Variants in ATP1B1 observed in about 807,000 individuals in gnomAD.
ATP1B1 encodes the protein ATPase Na+/K+ transporting subunit beta 1.
In ATP1B1, 3 loss-of-function variants were observed where a neutral mutation model predicts 39.6. That is an observed-to-expected ratio of 0.08 (90% CI 0.03 to 0.20). The LOEUF is 0.20. ATP1B1 is among the 10% of genes least tolerant of loss of function. The pLI is 1.00. For missense variants in ATP1B1, 216 were observed against 371.1 expected (o/e 0.58, Z 3.43); for synonymous variants, 139 against 135.0 (o/e 1.03, Z -0.20).
chr1:169,112,086 C>A (rs1279699076), intron 2 of ATP1B1, among the ~76,000 whole-genome samples: 1 of 152,250 alleles, frequency 6.6e-6, no homozygotes, highest in East Asian at 1.9e-4. Flanking sequence ...GTCACTCTTA[C>A]TTCTCAATAT....
chr1:169,130,996 G>A (rs1658207412), intron 5 of ATP1B1, among the ~76,000 whole-genome samples: 2 of 152,078 alleles, frequency 1.3e-5, no homozygotes, highest in African/African-American at 4.8e-5. Flanking sequence ...AATATCACTA[G>A]ACAGATTATT....
rs1287411944 is a variant in ATP1B1 at position 169,106,814 on chromosome 1, C to T, written c.-16C>T. 5 of 1,569,380 alleles carry T rather than the reference C, an allele frequency of 3.2e-6. No homozygotes were observed. Among genetic ancestry groups the T allele is most frequent in the Non-Finnish European group, 4.3e-6 (5 of 1,160,912 alleles). ...CCCACCCTCCGGACCGCGGCAGCTGCTGACCCGCCATCGCCATGGCCCGCG... is the reference window on the plus strand; with the variant it reads ...CCCACCCTCCGGACCGCGGCAGCTGTTGACCCGCCATCGCCATGGCCCGCG... On this transcript the variant is annotated 5_prime_UTR_variant, in exon 1 of 6. Transcript: ENST00000367815.
chr1:169,124,719 G>A (rs544875335), intron 2 of ATP1B1, among the ~76,000 whole-genome samples, 165 bp from the exon 3 acceptor site: 2 of 152,288 alleles, frequency 1.3e-5, no homozygotes, highest in South Asian at 4.1e-4. Flanking sequence ...TGGTACTTGG[G>A]GTTACCTAAT....
intron 2 of ATP1B1, among the ~76,000 whole-genome samples, chr1:169,116,806 G>A (rs900501334): frequency 2.0e-5 from 3 of 151,552 alleles, no homozygotes; most frequent in East Asian, 1.9e-4. Flanking sequence ...AGCCAAGATC[G>A]TGCCACTGCA....
chr1:169,115,970 C>G (rs887434848), intron 2 of ATP1B1, among the ~76,000 whole-genome samples: 1 of 152,214 alleles, frequency 6.6e-6, no homozygotes, highest in African/African-American at 2.4e-5. Context: ...CATCGCTTCT[C>G]ATCTGTTGAT....
At chr1:169,107,538 C>T (rs1477642449) in intron 1 of ATP1B1, among the ~76,000 whole-genome samples, 1 of 152,068 alleles carries the variant, frequency 6.6e-6, no homozygotes, top group Non-Finnish European at 1.5e-5. Flanking sequence ...TTCAGGACTC[C>T]GATTCTTAGC....
At chr1:169,124,508 T>C (rs1252012524) in intron 2 of ATP1B1, among the ~76,000 whole-genome samples, 2 of 152,136 alleles carry the variant, frequency 1.3e-5, no homozygotes, top group Admixed American at 1.3e-4. Flanking sequence ...ACTGTGCACG[T>C]TGGGGTACTA....
In ATP1B1 at chr1:169,131,532, G is replaced by C. The variant is rs144160193; in HGVS notation, c.889G>C (p.Val297Leu). 1.9e-6 allele frequency: 3 copies of C among 1,613,542 alleles called. No individual in the cohort carries two copies. The African/African-American group carries it at 4.0e-5, about 22-fold the overall frequency. ...EKDRFQGRFD[V>L]KIEVKS ...AGACCGTTTTCAGGGACGTTTTGAT[G>C]TAAAAATTGAAGTTAAGAGCTGATC... Residue 297 changes from valine (V) to leucine (L), a missense_variant, in exon 6 of 6, where the codon GTA becomes CTA. By Grantham distance (32) the Val-to-Leu change is conservative. Transcript: ENST00000367815. The surrounding 1 kb of genome is among the most constrained non-coding windows in gnomAD (Gnocchi z 4.4).
chr1:169,116,473 G>A (rs1168297398), intron 2 of ATP1B1, among the ~76,000 whole-genome samples: 1 of 152,116 alleles, frequency 6.6e-6, no homozygotes, highest in East Asian at 1.9e-4. Context: ...GGAGAAGTGG[G>A]GTGGATGCAG....
chr1:169,119,698 G>C (rs745964753), intron 2 of ATP1B1, among the ~76,000 whole-genome samples: 34 of 152,176 alleles, frequency 2.2e-4, no homozygotes, highest in Admixed American at 2.0e-4. Flanking sequence ...CTTCGATTTA[G>C]GATGGGGTTA....
At chr1:169,123,715 C>T (rs896769622) in intron 2 of ATP1B1, among the ~76,000 whole-genome samples, 11 of 151,858 alleles carry the variant, frequency 7.2e-5, no homozygotes, top group Non-Finnish European at 1.2e-4. Flanking sequence ...CAACCTCCGC[C>T]TCCCGGGTTC....
chr1:169,106,740 C>A lies in ATP1B1; in HGVS notation c.-90C>A, dbSNP rs1657598612. 9.4e-7 allele frequency: 1 copy of A among 1,060,914 alleles called. No individual in the cohort carries two copies. The highest frequency in any genetic ancestry group is 1.3e-6 in the Non-Finnish European group (1 of 761,242). The allele number at this position is 1,060,914 out of a possible 1,614,324, so 65.7% of individuals were successfully genotyped here. On this transcript the variant is annotated 5_prime_UTR_variant, in exon 1 of 6. Transcript: ENST00000367815. ...CGCGTCCTGCCTGCAGAGAGCCAGG[C>A]CGGAGAAGCCGAGCGGCGCAGAGGA...
rs368014776 is a variant in ATP1B1, at chr1:169,130,073, G to A, written c.631G>A (p.Val211Ile). The change falls in exon 5 of 6, where the codon GTT becomes ATT. Residue 211 changes from valine to isoleucine, a missense_variant. Val to Ile is a conservative substitution (Grantham distance 29, BLOSUM62 3). Transcript: ENST00000367815. ...VMKYNPNVLP[V>I]QCTGKRDEDK... ...GAAGTATAACCCAAATGTCCTTCCCGTTCAGTGCACTGGCAAGGTAAAGAC... is the reference window on the plus strand; with the variant it reads ...GAAGTATAACCCAAATGTCCTTCCCATTCAGTGCACTGGCAAGGTAAAGAC... 5.0e-6 allele frequency: 8 copies of A among 1,613,668 alleles called. No individual in the cohort carries two copies. The highest frequency in any genetic ancestry group is 4.0e-5 in the African/African-American group (3 of 74,874).
chr1:169,116,866 A>C (rs1657858827), intron 2 of ATP1B1, among the ~76,000 whole-genome samples: 4 of 151,758 alleles, frequency 2.6e-5, no homozygotes. Flanking sequence ...AAAAAAAACC[A>C]AAAACAAAAC....
chr1:169,107,010 T>C, intron 1 of ATP1B1, 84 bp downstream of exon 1: 1 of 1,324,622 alleles, frequency 7.5e-7, no homozygotes, highest in South Asian at 1.4e-5. Flanking sequence ...CGCGGCCGGT[T>C]CCGCACCCAC....
At chr1:169,119,550 G>A (rs1322044090) in intron 2 of ATP1B1, among the ~76,000 whole-genome samples, 2 of 152,206 alleles carry the variant, frequency 1.3e-5, no homozygotes, top group Non-Finnish European at 2.9e-5. Context: ...AGTAGAAAGA[G>A]GGGCATGATG....
chr1:169,120,365 G>A (rs1429927758), intron 2 of ATP1B1, among the ~76,000 whole-genome samples: 1 of 152,122 alleles, frequency 6.6e-6, no homozygotes, highest in Non-Finnish European at 1.5e-5. Flanking sequence ...GGTCATTAAG[G>A]CTTATGTTAG....
intron 2 of ATP1B1, among the ~76,000 whole-genome samples, chr1:169,121,443 C>G (rs1318493821): frequency 6.6e-6 from 1 of 152,184 alleles, no homozygotes; most frequent in Non-Finnish European, 1.5e-5. Context: ...CCCCTGGTCA[C>G]TTTTAATAGT....
At chr1:169,119,634 C>CTTGGAGAATGTCATGG (rs1239131049) in intron 2 of ATP1B1, among the ~76,000 whole-genome samples, 1 of 152,122 alleles carries the variant, frequency 6.6e-6, no homozygotes, top group African/African-American at 2.4e-5. Flanking sequence ...TTGTGCAGCC[C>CTTGGAGAATGTCATGG]TTGGAGAATG....
Sources: allele counts gnomAD v4.1 joint callset (sites outside exome capture counted in the v4.1 genomes callset), GRCh38; gene constraint gnomAD v4.1.1; non-coding constraint Gnocchi (gnomAD v3.1); transcripts MANE v1.5; gene names NCBI Gene and HGNC (gene_info 2026-07-23, HGNC 2026-07-21).